Variants in PUM2 observed in about 807,000 individuals in gnomAD.
PUM2 encodes the protein pumilio homolog 2.
PUM2 carries 57 observed loss-of-function variants against 124.5 expected under a neutral mutation model. That is an observed-to-expected ratio of 0.46 (90% confidence interval 0.37 to 0.57). The LOEUF is 0.57. PUM2 is among the 20% of genes least tolerant of loss of function. PUM2 has a pLI of 0.00. For synonymous variants in PUM2, 460 were observed against 446.1 expected (o/e 1.03, Z -0.39); for missense variants, 1,065 against 1,290.6 (o/e 0.83, Z 2.68).
Position 20,293,002 on chromosome 2 carries a change from A to G in PUM2, c.1152+1374T>C, listed in dbSNP as rs576653902. ...AAATACGGAAAGATTCGGCAAATAA[A>G]TTCGAATTTGTTACGAGACTGATGC... On this transcript the variant is annotated intron_variant, in intron 9 of 20. Transcript: ENST00000361078. 1.6e-4 allele frequency among the ~76,000 whole-genome samples: 24 copies of G among 152,354 alleles called. No individual in the cohort carries two copies. The South Asian group carries it at 2.3e-3, about 14-fold the overall frequency.
intron 1 of PUM2, among the ~76,000 whole-genome samples, chr2:20,330,431 C>T (rs568845649): frequency 1.3e-5 from 2 of 152,210 alleles, no homozygotes; most frequent in South Asian, 4.1e-4. Context: ...TTCAGTTCCC[C>T]CTCCTGCTTC....
Position 20,283,184 on chromosome 2 carries a change from T to C in PUM2, c.1483A>G (p.Thr495Ala), listed in dbSNP as rs1170538015. ...GGTASSLTGSTNGLFRPIGTQ... is the reference protein window; with the variant it reads ...GGTASSLTGSANGLFRPIGTQ... ...CCAATTGGCCGAAACAGACCATTTGTGCTGCCTGTAAGGCTACTTGCAGTT... is the reference window on the plus strand; with the variant it reads ...CCAATTGGCCGAAACAGACCATTTGCGCTGCCTGTAAGGCTACTTGCAGTT... The change falls in exon 12 of 21, where the codon ACA (threonine) becomes GCA (alanine). Residue 495 changes from threonine (T) to alanine (A), a missense_variant. Thr to Ala is a moderately conservative substitution (Grantham distance 58). This residue lies in a region of PUM2 where 968 missense variants were observed against 1,159.8 expected (regional missense o/e 0.83). Transcript: ENST00000361078. The C allele has an allele frequency of 1.2e-6, 2 of 1,614,018 alleles. No homozygotes were observed. Among genetic ancestry groups the C allele is most frequent in the Non-Finnish European group, 1.7e-6 (2 of 1,180,024 alleles).
chr2:20,350,821 T>C lies in PUM2; in HGVS notation c.-243A>G. The C allele has an allele frequency of 1.0e-6, 1 of 974,058 alleles. No individual in the cohort carries two copies. The highest frequency in any genetic ancestry group is 4.8e-5 in the South Asian group (1 of 20,856). 60.3% of individuals were successfully genotyped at this position (974,058 alleles called of 1,614,324 possible). ...ACACAGAGACTCACAACAACATGGC[T>C]GCCACCGCCGCCTGCCCTCCCCTCC... On this transcript the variant is annotated 5_prime_UTR_variant, in exon 1 of 21. Coordinates refer to ENST00000361078, the MANE Select transcript of PUM2 (RefSeq NM_015317.5).
At chr2:20,273,197 G>GA (rs1317191517) in intron 13 of PUM2, among the ~76,000 whole-genome samples, 1 of 152,194 alleles carries the variant, frequency 6.6e-6, no homozygotes, top group Non-Finnish European at 1.5e-5. Context: ...TCAGTGGGAC[G>GA]AAACTATTTT....
In PUM2 at chr2:20,312,241, T is replaced by C. The variant is rs1372035695; in HGVS notation, c.343A>G (p.Asn115Asp). The C allele has an allele frequency of 1.9e-6, 3 of 1,590,174 alleles. No individual in the cohort carries two copies. The highest frequency in any genetic ancestry group is 1.7e-6 in the Non-Finnish European group (2 of 1,163,962). ...DKLDSRFRKG[N>D]FGTRDAETDG... is the part of the protein sequence containing the mutation. ...TCTTTATTCAAAATACTTACAAAAT[T>C]TCCCTTCCTAAATCGAGAATCCAAT... is the stretch of plus-strand genomic sequence containing the variant. The change falls in exon 4 of 21, where the codon AAT becomes GAT. Residue 115 changes from asparagine to aspartate, a missense_variant. By Grantham distance (23) the Asn-to-Asp change is conservative. Coordinates refer to ENST00000361078, the MANE Select transcript of PUM2 (RefSeq NM_015317.5).
rs763552828 is a variant in PUM2 at position 20,308,599 on chromosome 2, T to A, written c.519-15A>T. ...CAGGAGTACGACTACATAAAGAAAA[T>A]AGAAAAGCATTATGAATAAAAGTAA... On this transcript the variant is annotated splice_polypyrimidine_tract_variant and intron_variant, in intron 5 of 20. Coordinates refer to ENST00000361078, the MANE Select transcript of PUM2 (RefSeq NM_015317.5). 1.3e-6 allele frequency: 2 copies of A among 1,574,406 alleles called. No homozygotes were observed. The highest frequency in any genetic ancestry group is 1.2e-5 in the South Asian group (1 of 85,214).
chr2:20,261,966 G>A (rs550734275), intron 14 of PUM2, among the ~76,000 whole-genome samples: 3 of 152,142 alleles, frequency 2.0e-5, no homozygotes, highest in Admixed American at 6.5e-5. Flanking sequence ...GTGATGGTGC[G>A]TGCCTGTAGT....
At chr2:20,263,945 A>C (rs1247174083) in intron 13 of PUM2, among the ~76,000 whole-genome samples, 4 of 152,184 alleles carry the variant, frequency 2.6e-5, no homozygotes, top group South Asian at 2.1e-4. Context: ...ATCAATTCTT[A>C]CCATCATACC....
chr2:20,324,685 G>A (rs117472625), intron 2 of PUM2, among the ~76,000 whole-genome samples: 3 of 152,252 alleles, frequency 2.0e-5, no homozygotes, highest in East Asian at 3.9e-4. Context: ...ACAGAAACAT[G>A]CTATCAGTGT....
intron 1 of PUM2, among the ~76,000 whole-genome samples, chr2:20,329,447 A>AG (rs892285973): frequency 3.3e-5 from 5 of 151,788 alleles, no homozygotes; most frequent in South Asian, 2.1e-4. Context: ...AAAAAAAAAA[A>AG]AAAAGAAAAG....
At chr2:20,265,201 G>C (rs1407606154) in intron 13 of PUM2, among the ~76,000 whole-genome samples, 6 of 149,828 alleles carry the variant, frequency 4.0e-5, no homozygotes, top group South Asian at 2.1e-4. Context: ...GCAGTGAGCA[G>C]AGATTGCACC....
intron 1 of PUM2, among the ~76,000 whole-genome samples, chr2:20,334,989 C>T (rs1001086676): frequency 9.9e-5 from 15 of 152,164 alleles, no homozygotes; most frequent in South Asian, 2.1e-4. Flanking sequence ...ACTCTATCAC[C>T]GAAGCTAGAG....
intron 1 of PUM2, among the ~76,000 whole-genome samples, chr2:20,342,029 T>C (rs1303476361): frequency 2.0e-5 from 3 of 150,122 alleles, no homozygotes; most frequent in Non-Finnish European, 4.4e-5. Context: ...CTAGGGAGGC[T>C]GAGGCAGGAG....
At chr2:20,282,038 G>C (rs544123281) in intron 12 of PUM2, among the ~76,000 whole-genome samples, 1 of 152,220 alleles carries the variant, frequency 6.6e-6, no homozygotes, top group African/African-American at 2.4e-5. Flanking sequence ...AAGGACTGTA[G>C]CAAGTTATGT....
At chr2:20,333,532 C>G (rs992799105) in intron 1 of PUM2, among the ~76,000 whole-genome samples, 18 of 151,940 alleles carry the variant, frequency 1.2e-4, no homozygotes, top group Admixed American at 7.9e-4. Context: ...ACAACAACAA[C>G]AACAAAAACA....
At chr2:20,310,234 G>C (rs1039010564) in intron 5 of PUM2, among the ~76,000 whole-genome samples, 6 of 151,874 alleles carry the variant, frequency 4.0e-5, no homozygotes, top group Non-Finnish European at 4.4e-5. Flanking sequence ...AAAATAATTA[G>C]TAATTTAAAA....
rs1689181794 is a variant in PUM2 at position 20,350,670 on chromosome 2, T to C, written c.-92A>G. The stretch of plus-strand genomic sequence containing the variant: ...CACACGGCGGCGTCGCTCTTGGCGG[T>C]CCTCCCCCTCCTCCGCCTTCGGTGG... On this transcript the variant is annotated 5_prime_UTR_variant, in exon 1 of 21. Transcript: ENST00000361078. 1.0e-6 allele frequency: 1 copy of C among 985,046 alleles called. No individual in the cohort carries two copies. Among genetic ancestry groups the C allele is most frequent in the African/African-American group, 1.7e-5 (1 of 57,150 alleles). The allele number at this position is 985,046 out of a possible 1,614,324, so 61.0% of individuals were successfully genotyped here. A position where few individuals can be genotyped will look rare whatever the true frequency, so the allele number is the denominator to read the frequency against.
At chr2:20,298,635 G>A (rs1184937321) in intron 7 of PUM2, among the ~76,000 whole-genome samples, 1 of 152,054 alleles carries the variant, frequency 6.6e-6, no homozygotes, top group Non-Finnish European at 1.5e-5. Context: ...TTGGGAGGCC[G>A]AGGCAGGTGG....
Position 20,287,005 on chromosome 2 carries a change from C to T in PUM2, c.1292-3519G>A, listed in dbSNP as rs556055033. Among the ~76,000 whole-genome samples the T allele has an allele frequency of 4.6e-5, 7 of 151,678 alleles. No individual in the cohort carries two copies. The South Asian group carries it at 8.3e-4, about 18-fold the overall frequency. On this transcript the variant is annotated intron_variant, in intron 10 of 20. Transcript: ENST00000361078. ...GAGTGGGAAAAGGAAAAAAAAACGA[C>T]GTAGGGAAGAATGAAGACAAGACAT...
Sources: allele counts gnomAD v4.1 joint callset (sites outside exome capture counted in the v4.1 genomes callset), GRCh38; gene constraint gnomAD v4.1.1; regional missense constraint gnomAD v4.1.1; transcripts MANE v1.5; gene names NCBI Gene and HGNC (gene_info 2026-07-23, HGNC 2026-07-21).